Variants in CATSPERZ observed in about 807,000 individuals in gnomAD.
CATSPERZ encodes the protein cation channel sperm-associated auxiliary subunit zeta.
A neutral mutation model predicts 21.7 loss-of-function variants in CATSPERZ; 21 were observed. The ratio of observed to expected loss-of-function variants is 0.97; its 90% CI spans 0.69 to 1.39. The LOEUF is 1.39. Among genes scored for constraint, CATSPERZ ranks in the 40% most tolerant of loss-of-function variants. The pLI, the probability that CATSPERZ is intolerant of heterozygous loss-of-function variation, is 0.00. For missense variants in CATSPERZ, 234 were observed against 259.5 expected (o/e 0.90, Z 0.68); for synonymous variants, 127 against 108.7 (o/e 1.17, Z -1.05).
intron 3 of CATSPERZ, 21 bp downstream of exon 3, chr11:64,303,582 T>G (rs775496864): frequency 2.8e-5 from 44 of 1,586,160 alleles, no homozygotes; most frequent in Non-Finnish European, 1.1e-5. Flanking sequence ...CTGGGGAGAC[T>G]GGGCGTTTCG....
At chr11:64,302,886 C>CTTTTTTTTTT (rs71045759) in intron 2 of CATSPERZ, among the ~76,000 whole-genome samples, 1 of 122,458 alleles carries the variant, frequency 8.2e-6, no homozygotes, top group African/African-American at 3.1e-5. Flanking sequence ...AAGAGCTGTT[C>CTTTTTTTTTT]TTTTTTTTTT....
At chr11:64,304,362 C>T (rs1004654094) in intron 4 of CATSPERZ, among the ~76,000 whole-genome samples, 181 bp from the exon 5 acceptor site, 2 of 152,196 alleles carry the variant, frequency 1.3e-5, no homozygotes, top group Non-Finnish European at 2.9e-5. Flanking sequence ...CATCCATCCT[C>T]CACCTTAACA....
intron 3 of CATSPERZ, 22 bp downstream of exon 3, chr11:64,303,583 G>C (rs1283771748): frequency 6.2e-7 from 1 of 1,608,992 alleles, no homozygotes; most frequent in African/African-American, 1.3e-5. Context: ...TGGGGAGACT[G>C]GGCGTTTCGG....
In CATSPERZ at chr11:64,300,830, G is replaced by A. The variant is rs866093335; in HGVS notation, c.195G>A (p.Trp65Ter). Reference protein sequence around the residue: ...EGRNISKTRGWHSPGRGSLDE... With the variant: ...EGRNISKTRG ...GCAACATTAGCAAGACCCGCGGGTGGCACAGCCCGGGGCGGGGCTCGTTGG... is the reference window on the plus strand; with the variant it reads ...GCAACATTAGCAAGACCCGCGGGTGACACAGCCCGGGGCGGGGCTCGTTGG... The change falls in exon 2 of 5, where the codon TGG (tryptophan) becomes TGA (stop). Residue 65 changes from tryptophan (W) to a stop codon, truncating the protein, a stop_gained. Transcript: ENST00000328404. LOFTEE classifies it high-confidence loss of function. The A allele has an allele frequency of 6.4e-7, 1 of 1,560,948 alleles. No individual in the cohort carries two copies. The highest frequency in any genetic ancestry group is 1.2e-5 in the South Asian group (1 of 84,672).
rs2034987784 is a variant in CATSPERZ, at chr11:64,304,632, C to G, written c.589C>G (p.Leu197Val). The G allele has an allele frequency of 6.4e-7, 1 of 1,572,404 alleles. No homozygotes were observed. The highest frequency in any genetic ancestry group is 1.2e-5 in the South Asian group (1 of 85,474). Reference protein sequence around the residue: ...EGLKKRRSKRLYVN With the variant: ...EGLKKRRSKRVYVN ...GCTCAAGAAGCGCCGGAGCAAGAGG[C>G]TGTACGTGAATTAAAAACGCCACCT... is the stretch of plus-strand genomic sequence containing the variant. The change falls in exon 5 of 5, where the codon CTG (leucine) becomes GTG (valine). Residue 197 changes from leucine to valine, a missense_variant. By Grantham distance (32) the Leu-to-Val change is conservative. Coordinates refer to ENST00000328404, the MANE Select transcript of CATSPERZ (RefSeq NM_001039496.2).
At position 64,300,698 on chromosome 11, in the gene CATSPERZ, G is replaced by T; in HGVS notation, c.63G>T (p.Glu21Asp). Reference sequence around the variant, plus strand: ...CCGACCGCCAAGGCTCGGACGAGGAGAGCGTGCATAGCGACACTCGGGACC... The same window carrying T: ...CCGACCGCCAAGGCTCGGACGAGGATAGCGTGCATAGCGACACTCGGGACC... ...KSSDRQGSDE[E>D]SVHSDTRDLW... The change falls in exon 2 of 5, where the codon GAG becomes GAT. Residue 21 changes from glutamate to aspartate, a missense_variant. Physicochemically the swap from Glu to Asp is conservative, Grantham distance 45. Transcript: ENST00000328404. 1 of 1,547,152 alleles carries T rather than the reference G, an allele frequency of 6.5e-7. No individual in the cohort carries two copies. Among genetic ancestry groups the T allele is most frequent in the South Asian group, 1.2e-5 (1 of 83,898 alleles).
rs1221403476 is a variant in CATSPERZ, at chr11:64,300,779, C to T, written c.144C>T (p.Val48=). ...AGCTGAACATGCCGCTGTCCGAGGTCTGCGAGGGCTTCGACGAGGAGGGCC... is the reference window on the plus strand; with the variant it reads ...AGCTGAACATGCCGCTGTCCGAGGTTTGCGAGGGCTTCGACGAGGAGGGCC... ...QAQLNMPLSE[V]CEGFDEEGRN... Residue 48 remains valine, a synonymous_variant, in exon 2 of 5, where the codon GTC becomes GTT. Coordinates refer to ENST00000328404, the MANE Select transcript of CATSPERZ (RefSeq NM_001039496.2). The T allele has an allele frequency of 5.8e-6, 9 of 1,554,826 alleles. No individual in the cohort carries two copies. The South Asian group carries it at 5.9e-5, about 10-fold the overall frequency.
rs1476206480 is a variant in CATSPERZ at position 64,304,665 on chromosome 11, G to C, written c.*19G>C. The C allele has an allele frequency of 2.6e-6, 4 of 1,553,126 alleles. No homozygotes were observed. Among genetic ancestry groups the C allele is most frequent in the Non-Finnish European group, 3.5e-6 (4 of 1,148,288 alleles). On this transcript the variant is annotated 3_prime_UTR_variant, in exon 5 of 5. Transcript: ENST00000328404. ...GAATTAAAAACGCCACCTTGGGCTC[G>C]AGCAGCGACCCGAACCAGCCCCGTG...
intron 1 of CATSPERZ, 33 bp downstream of exon 1, chr11:64,300,464 C>T (rs756027576): frequency 5.1e-5 from 79 of 1,554,646 alleles, no homozygotes; most frequent in Non-Finnish European, 6.3e-5. Flanking sequence ...TTACCCTGTC[C>T]GCTCCAACCC....
At position 64,301,968 on chromosome 11, in the gene CATSPERZ, G is replaced by A. The variant is rs149188771; in HGVS notation, c.352+981G>A. Among the ~76,000 whole-genome samples, 309 of 152,306 alleles carry A rather than the reference G, an allele frequency of 2.0e-3. 5 individuals carry two copies. Among genetic ancestry groups the A allele is most frequent in the South Asian group, 0.015 (71 of 4,828 alleles). On this transcript the variant is annotated intron_variant, in intron 2 of 4. Coordinates refer to ENST00000328404, the MANE Select transcript of CATSPERZ (RefSeq NM_001039496.2). ...TTACAAGTGTGAGCCACCATGCCCGGCGAGACCTGTGTTTTTAATGGAATC... is the reference window on the plus strand; with the variant it reads ...TTACAAGTGTGAGCCACCATGCCCGACGAGACCTGTGTTTTTAATGGAATC...
In CATSPERZ at chr11:64,304,757, GA is replaced by G; in HGVS notation, c.*112del. The G allele has an allele frequency of 1.1e-6, 1 of 887,294 alleles. No individual in the cohort carries two copies. The highest frequency in any genetic ancestry group is 2.6e-5 in the East Asian group (1 of 37,932). 55.0% of individuals were successfully genotyped at this position (887,294 alleles called of 1,614,324 possible). A position where few individuals can be genotyped will look rare whatever the true frequency, so the allele number is the denominator to read the frequency against. On this transcript the variant is annotated 3_prime_UTR_variant, in exon 5 of 5. Coordinates refer to ENST00000328404, the MANE Select transcript of CATSPERZ (RefSeq NM_001039496.2). ...GAATTTGAGTCCTAAAGAAATAAAAGAGTCGATGCATGGTCCGTGAGTCAGT... is the reference window on the plus strand; with the variant it reads ...GAATTTGAGTCCTAAAGAAATAAAAGGTCGATGCATGGTCCGTGAGTCAGT...
intron 2 of CATSPERZ, among the ~76,000 whole-genome samples, 163 bp downstream of exon 2, chr11:64,301,150 G>T (rs776227370): frequency 1.4e-4 from 21 of 152,242 alleles, no homozygotes; most frequent in Non-Finnish European, 2.9e-4. Flanking sequence ...AATCCGCCAG[G>T]CATTCTTGGA....
At position 64,300,857 on chromosome 11, in the gene CATSPERZ, C is replaced by T; in HGVS notation, c.222C>T (p.Asp74=). Reference sequence around the variant, plus strand: ...ACAGCCCGGGGCGGGGCTCGTTGGACGAGGGGTACAAGGCCAGCCACAAGC... The same window carrying T: ...ACAGCCCGGGGCGGGGCTCGTTGGATGAGGGGTACAAGGCCAGCCACAAGC... ...GWHSPGRGSL[D]EGYKASHKPE... is the part of the protein sequence containing the mutation. The change falls in exon 2 of 5, where the codon GAC becomes GAT. Residue 74 remains aspartate (D), a synonymous_variant. Coordinates refer to ENST00000328404, the MANE Select transcript of CATSPERZ (RefSeq NM_001039496.2). 1 of 1,559,334 alleles carries T rather than the reference C, an allele frequency of 6.4e-7. No homozygotes were observed. Among genetic ancestry groups the T allele is most frequent in the Non-Finnish European group, 8.7e-7 (1 of 1,152,998 alleles).
intron 2 of CATSPERZ, among the ~76,000 whole-genome samples, chr11:64,301,272 G>T (rs1017996530): frequency 2.6e-5 from 4 of 152,184 alleles, no homozygotes; most frequent in Admixed American, 1.3e-4. Flanking sequence ...GACCTGCGGG[G>T]TTTTTTTGTT....
intron 2 of CATSPERZ, among the ~76,000 whole-genome samples, chr11:64,302,957 A>C (rs2034951196): frequency 8.2e-6 from 1 of 121,544 alleles, no homozygotes; most frequent in South Asian, 2.7e-4. Context: ...TGGAGTGCAG[A>C]TGTACGATCT....
At chr11:64,303,258 G>GTCAC (rs2135241386) in intron 2 of CATSPERZ, among the ~76,000 whole-genome samples, 1 of 152,298 alleles carries the variant, frequency 6.6e-6, no homozygotes, top group South Asian at 2.1e-4. Flanking sequence ...GAGAGTGTCA[G>GTCAC]TCACTGGTCC....
rs573575828 is a variant in CATSPERZ at position 64,303,913 on chromosome 11, G to C, written c.499+74G>C. Reference sequence around the variant, plus strand: ...ATTTTGCAGGGCTGGGGCCCAGGGGGGTGGGGTTTCAGGGTGCCTTATGTC... The same window carrying C: ...ATTTTGCAGGGCTGGGGCCCAGGGGCGTGGGGTTTCAGGGTGCCTTATGTC... On this transcript the variant is annotated intron_variant, in intron 4 of 4. Coordinates refer to ENST00000328404, the MANE Select transcript of CATSPERZ (RefSeq NM_001039496.2). 798 of 1,492,692 alleles carry C rather than the reference G, an allele frequency of 5.3e-4. 2 individuals are homozygous for C. The highest frequency in any genetic ancestry group is 6.9e-4 in the Non-Finnish European group (761 of 1,097,998). 92.5% of individuals were successfully genotyped at this position (1,492,692 alleles called of 1,614,324 possible).
rs2034989480 is a variant in CATSPERZ, at chr11:64,304,707, A to G, written c.*61A>G. 1 of 1,395,188 alleles carries G rather than the reference A, an allele frequency of 7.2e-7. No individual in the cohort carries two copies. Among genetic ancestry groups the G allele is most frequent in the African/African-American group, 1.4e-5 (1 of 69,436 alleles). 86.4% of individuals were successfully genotyped at this position (1,395,188 alleles called of 1,614,324 possible). A position where few individuals can be genotyped will look rare whatever the true frequency, so the allele number is the denominator to read the frequency against. ...AGCCCCGTGCCAGCCCGGTCCCCAG[A>G]CCCAAGCCTGACCCCATCCGAGTGG... On this transcript the variant is annotated 3_prime_UTR_variant, in exon 5 of 5. Transcript: ENST00000328404.
chr11:64,300,572 G>A, intron 1 of CATSPERZ, 85 bp from the exon 2 acceptor site: 1 of 1,418,718 alleles, frequency 7.0e-7, no homozygotes, highest in Non-Finnish European at 9.4e-7. Context: ...TCCCCAACCC[G>A]GCCCGGCTCA....
Sources: allele counts gnomAD v4.1 joint callset (sites outside exome capture counted in the v4.1 genomes callset), GRCh38; gene constraint gnomAD v4.1.1; transcripts MANE v1.5; gene names NCBI Gene and HGNC (gene_info 2026-07-23, HGNC 2026-07-21).